Variants in RBFOX3 observed in about 807,000 individuals in gnomAD.
RBFOX3 encodes RNA binding protein fox-1 homolog 3.
RBFOX3 carries 17 observed loss-of-function variants against 48.7 expected under a neutral mutation model. That is an observed-to-expected ratio of 0.35 (90% CI 0.24 to 0.52). The LOEUF (loss-of-function observed/expected upper bound fraction) is 0.52, where lower values mean the gene tolerates loss of function less well. RBFOX3 is among the 20% of genes least tolerant of loss of function. RBFOX3 has a pLI of 0.94. For missense variants in RBFOX3, 382 were observed against 497.5 expected, an observed-to-expected ratio of 0.77 and a Z score of 2.21; for synonymous variants, 212 against 209.5, an observed-to-expected ratio of 1.01 and a Z score of -0.10.
At position 79,154,816 on chromosome 17, in the gene RBFOX3, C is replaced by T. The variant is rs146504508; in HGVS notation, c.-33-39068G>A. 1.4e-4 allele frequency among the ~76,000 whole-genome samples: 21 copies of T among 151,756 alleles called. 1 individual carries two copies. In the East Asian group the frequency reaches 4.0e-3, roughly 29 times the overall value. ...GCCACTGAGGAGTCTGGGCCTCCCC[C>T]AAACCCTCTACTGAGCAAGTGCGAA... is the stretch of plus-strand genomic sequence containing the variant. On this transcript the variant is annotated intron_variant, in intron 4 of 14. Coordinates refer to ENST00000693108, the MANE Select transcript of RBFOX3 (RefSeq NM_001350451.2).
chr17:79,164,178 AG>A (rs1568261250), intron 4 of RBFOX3, among the ~76,000 whole-genome samples: 1 of 152,118 alleles, frequency 6.6e-6, no homozygotes, highest in Non-Finnish European at 1.5e-5. Flanking sequence ...GGCCTCTGGG[AG>A]GGGTGGGCAT....
Position 79,525,972 on chromosome 17 carries a change from C to T in RBFOX3, c.-319-43374G>A, listed in dbSNP as rs1023460309. Among the ~76,000 whole-genome samples, 532 of 152,290 alleles carry T rather than the reference C, an allele frequency of 3.5e-3. 3 individuals are homozygous for T. Among genetic ancestry groups the T allele is most frequent in the African/African-American group, 0.012 (511 of 41,546 alleles). Reference sequence around the variant, plus strand: ...GGAGACAAGCCACCGCCACCCCCGACGGCCATTGGCTCTGCTGCGGCTCAA... The same window carrying T: ...GGAGACAAGCCACCGCCACCCCCGATGGCCATTGGCTCTGCTGCGGCTCAA... On this transcript the variant is annotated intron_variant, in intron 1 of 14. Coordinates refer to ENST00000693108, the MANE Select transcript of RBFOX3 (RefSeq NM_001350451.2).
In RBFOX3 at chr17:79,451,883, G is replaced by A. The variant is rs566375791; in HGVS notation, c.-175+30571C>T. On this transcript the variant is annotated intron_variant, in intron 2 of 14. Transcript: ENST00000693108. ...GGATCATACGTGCTTCACGTCTGGAGACGCTTCCACAGAACACCTTCCCCC... is the reference window on the plus strand; with the variant it reads ...GGATCATACGTGCTTCACGTCTGGAAACGCTTCCACAGAACACCTTCCCCC... Among the ~76,000 whole-genome samples, 5 of 152,358 alleles carry A rather than the reference G, an allele frequency of 3.3e-5. No homozygotes were observed. The South Asian group carries it at 1.0e-3, about 32-fold the overall frequency.
chr17:79,169,384 C>T (rs1167606435), intron 4 of RBFOX3, among the ~76,000 whole-genome samples: 1 of 152,096 alleles, frequency 6.6e-6, no homozygotes, highest in African/African-American at 2.4e-5. Context: ...GGCAGTCCCT[C>T]TCCTCCTCCC....
intron 1 of RBFOX3, among the ~76,000 whole-genome samples, chr17:79,522,890 A>T (rs1447045823): frequency 4.9e-5 from 7 of 142,156 alleles, no homozygotes; most frequent in African/African-American, 1.9e-4. Flanking sequence ...AGATCACGCC[A>T]CTGCACTCCA....
intron 4 of RBFOX3, among the ~76,000 whole-genome samples, chr17:79,154,783 C>T (rs2045392924): frequency 1.3e-5 from 2 of 152,216 alleles, no homozygotes; most frequent in South Asian, 4.1e-4. Flanking sequence ...AGGCTGTGGG[C>T]AGGAGGTGCC....
intron 3 of RBFOX3, among the ~76,000 whole-genome samples, chr17:79,300,272 G>T (rs113330307): frequency 1.2e-4 from 19 of 152,248 alleles, no homozygotes; most frequent in African/African-American, 4.1e-4. Flanking sequence ...CATTGCTGGG[G>T]CCACCCTGTC....
chr17:79,637,840 G>A, the RBFOX3 span, among the ~76,000 whole-genome samples: 1 of 149,790 alleles, frequency 6.7e-6, no homozygotes, highest in African/African-American at 2.5e-5. Flanking sequence ...AGGGGAAAAG[G>A]GAAAGGAAAG....
At position 79,098,025 on chromosome 17, in the gene RBFOX3, T is replaced by G. The variant is rs1453675364; in HGVS notation, c.569-280A>C. 4 of 447,654 alleles carry G rather than the reference T, an allele frequency of 8.9e-6. No homozygotes were observed. The East Asian group carries it at 1.5e-4, about 16-fold the overall frequency. The allele number at this position is 447,654 out of a possible 1,614,324, so 27.7% of individuals were successfully genotyped here. A position where few individuals can be genotyped will look rare whatever the true frequency, so the allele number is the denominator to read the frequency against. Reference sequence around the variant, plus strand: ...CCTGAGCAACCCTCACCCCTGGGCGTCATCCCCCGAAGCCTGGGGTACCCA... The same window carrying G: ...CCTGAGCAACCCTCACCCCTGGGCGGCATCCCCCGAAGCCTGGGGTACCCA... On this transcript the variant is annotated intron_variant, in intron 9 of 14. Coordinates refer to ENST00000693108, the MANE Select transcript of RBFOX3 (RefSeq NM_001350451.2).
At chr17:79,194,383 G>C (rs2055126364) in intron 4 of RBFOX3, among the ~76,000 whole-genome samples, 1 of 152,084 alleles carries the variant, frequency 6.6e-6, no homozygotes, top group African/African-American at 2.4e-5. Context: ...GAGGCGGGTG[G>C]ATCACTTGAG....
intron 4 of RBFOX3, among the ~76,000 whole-genome samples, chr17:79,118,987 A>T (rs796643091): frequency 3.0e-4 from 40 of 134,216 alleles, no homozygotes; most frequent in Non-Finnish European, 4.3e-4. Context: ...AAAAAAAAAA[A>T]AAAAAATAAA....
At chr17:79,602,485 G>A (rs986254886) in intron 1 of RBFOX3, among the ~76,000 whole-genome samples, 7 of 152,274 alleles carry the variant, frequency 4.6e-5, no homozygotes, top group South Asian at 2.1e-4. Context: ...CTGGGGGCAC[G>A]CAGCCAGGAT....
intron 4 of RBFOX3, among the ~76,000 whole-genome samples, chr17:79,156,211 A>C (rs1344091414): frequency 6.6e-6 from 1 of 152,190 alleles, no homozygotes; most frequent in Non-Finnish European, 1.5e-5. Context: ...CTGGCATCCA[A>C]GAGAGGTCAC....
At position 79,198,865 on chromosome 17, in the gene RBFOX3, G is replaced by A. The variant is rs545207509; in HGVS notation, c.-34+36901C>T. On this transcript the variant is annotated intron_variant, in intron 4 of 14. Coordinates refer to ENST00000693108, the MANE Select transcript of RBFOX3 (RefSeq NM_001350451.2). The surrounding 1 kb of genome is among the most constrained non-coding windows in gnomAD (Gnocchi z 8.2). The stretch of plus-strand genomic sequence containing the variant: ...GCTAATCTCGAACTCCTGACCTCAG[G>A]TGATCCACTCGCCTCGGCCTCCCAA... 6.6e-6 allele frequency among the ~76,000 whole-genome samples: 1 copy of A among 152,166 alleles called. No individual in the cohort carries two copies. Among genetic ancestry groups the A allele is most frequent in the Non-Finnish European group, 1.5e-5 (1 of 68,030 alleles).
intron 1 of RBFOX3, among the ~76,000 whole-genome samples, chr17:79,591,341 C>T (rs1418184608): frequency 1.3e-5 from 2 of 152,160 alleles, no homozygotes; most frequent in African/African-American, 4.8e-5. Context: ...GTTGTCACAG[C>T]CACGCTGCCA....
chr17:79,341,808 T>A (rs8073602), intron 2 of RBFOX3, among the ~76,000 whole-genome samples: 3 of 152,054 alleles, frequency 2.0e-5, no homozygotes, highest in Non-Finnish European at 4.4e-5. Context: ...TCATAAACCA[T>A]GTGCCCCTGC....
chr17:79,539,511 C>CAA (rs2089359314), intron 1 of RBFOX3, among the ~76,000 whole-genome samples: 1 of 152,176 alleles, frequency 6.6e-6, no homozygotes, highest in Non-Finnish European at 1.5e-5. Flanking sequence ...AATAAGTCTA[C>CAA]TGTTGGGGTT....
At chr17:79,206,754 G>A (rs1303151309) in intron 4 of RBFOX3, among the ~76,000 whole-genome samples, 2 of 152,134 alleles carry the variant, frequency 1.3e-5, no homozygotes, top group African/African-American at 2.4e-5. Flanking sequence ...CTGCGCTGTG[G>A]GCTATGGCAG....
chr17:79,384,338 C>G (rs2060302044), intron 2 of RBFOX3, among the ~76,000 whole-genome samples: 1 of 152,100 alleles, frequency 6.6e-6, no homozygotes, highest in Non-Finnish European at 1.5e-5. Context: ...AGAAGTCCAC[C>G]CACAGGACAT....
Sources: gnomAD v4.1 joint callset for allele counts (sites outside exome capture counted in the v4.1 genomes callset) on GRCh38, gnomAD v4.1.1 for gene constraint, Gnocchi (gnomAD v3.1) non-coding constraint, MANE v1.5 for transcripts, NCBI Gene and HGNC (gene_info 2026-07-23, HGNC 2026-07-21) for gene names.